Variants in ATP2B4 observed in about 807,000 individuals in gnomAD.
The protein encoded by ATP2B4 is plasma membrane calcium-transporting ATPase 4.
In ATP2B4, 39 loss-of-function variants were observed where a neutral mutation model predicts 110.3. The observed-to-expected ratio is 0.35, with a 90% CI of 0.27 to 0.46. The LOEUF (loss-of-function observed/expected upper bound fraction) is 0.46, where lower values mean the gene tolerates loss of function less well. ATP2B4 is among the 20% of genes least tolerant of loss of function. ATP2B4 has a pLI of 1.00. For missense variants in ATP2B4, 1,135 were observed against 1,530.9 expected (o/e 0.74, Z 4.32); for synonymous variants, 538 against 571.7 (o/e 0.94, Z 0.84).
intron 6 of ATP2B4, 122 bp from the exon 7 acceptor site, chr1:203,701,922 C>A: frequency 1.1e-6 from 1 of 927,384 alleles, no homozygotes. Flanking sequence ...CATTTATGTC[C>A]CTTCCCTGCA....
rs3066210 is a variant in ATP2B4, at chr1:203,644,249, TAAA to T, written c.-465+17050_-465+17052del. Among the ~76,000 whole-genome samples the T allele has an allele frequency of 4.2e-3, 465 of 109,942 alleles. 4 individuals are homozygous for T. In the East Asian group the frequency reaches 0.052, roughly 12 times the overall value. The allele number at this position is 109,942 out of a possible 152,430, so 72.1% of individuals were successfully genotyped here. A position where few individuals can be genotyped will look rare whatever the true frequency, so the allele number is the denominator to read the frequency against. On this transcript the variant is annotated intron_variant, in intron 1 of 20. Transcript: ENST00000357681. The stretch of plus-strand genomic sequence containing the variant: ...TGGGCAGCAGAGCAAGACTCCATCT[TAAA>T]AAAAAAAAAAAAAAAAAAAGAATGC...
intron 20 of ATP2B4, 115 bp from the exon 21 acceptor site, chr1:203,739,431 A>T: frequency 2.0e-6 from 2 of 1,002,840 alleles, no homozygotes; most frequent in Non-Finnish European, 2.9e-6. Context: ...GATGCTGAGC[A>T]GTCATGTTTT....
chr1:203,641,768 T>C (rs547459516), intron 1 of ATP2B4, among the ~76,000 whole-genome samples: 1 of 152,292 alleles, frequency 6.6e-6, no homozygotes, highest in African/African-American at 2.4e-5. Context: ...GACCCAGGCC[T>C]GACACCAAAG....
chr1:203,664,281 G>T (rs1664436986), intron 1 of ATP2B4, among the ~76,000 whole-genome samples: 1 of 152,154 alleles, frequency 6.6e-6, no homozygotes, highest in African/African-American at 2.4e-5. Context: ...TGGGAATGGG[G>T]AGTACCAATG....
At chr1:203,703,892 C>T (rs72745730) in intron 8 of ATP2B4, 79 bp downstream of exon 8, 33,330 of 1,483,044 alleles carry the variant, frequency 0.022, 467 homozygotes, top group Non-Finnish European at 0.027. Context: ...CTTTCTGCAC[C>T]GACCGAGACT....
In ATP2B4 at chr1:203,700,895, G is replaced by A. The variant is rs754012711; in HGVS notation, c.873G>A (p.Glu291=). ...TCCTTACTCTCTTGGGGGTCAATGA[G>A]GATGACGAAGGGGAGAAAAAGAAGA... ...GIILTLLGVN[E]DDEGEKKKKG... Residue 291 remains glutamate, a synonymous_variant, in exon 6 of 21, where the codon GAG becomes GAA. Coordinates refer to ENST00000357681, the MANE Select transcript of ATP2B4 (RefSeq NM_001684.5). The A allele has an allele frequency of 2.5e-6, 4 of 1,613,554 alleles. No individual in the cohort carries two copies. In the Admixed American group the frequency reaches 6.7e-5, roughly 27 times the overall value.
At chr1:203,728,223 T>C (rs1032473107) in intron 20 of ATP2B4, 1 of 469,936 alleles carries the variant, frequency 2.1e-6, no homozygotes, top group South Asian at 1.6e-5. Context: ...CTTCCCTTCT[T>C]GCAATTTCTG....
chr1:203,703,643 A>T lies in ATP2B4; in HGVS notation c.938-9A>T, dbSNP rs1665760218. Reference sequence around the variant, plus strand: ...CTGCTCACCTGTCCTATTTGTGTGTACACTCCAGCAAAGACCCAAGACGGA... The same window carrying T: ...CTGCTCACCTGTCCTATTTGTGTGTTCACTCCAGCAAAGACCCAAGACGGA... On this transcript the variant is annotated splice_polypyrimidine_tract_variant and intron_variant, in intron 7 of 20. Transcript: ENST00000357681. 5.6e-6 allele frequency: 9 copies of T among 1,613,294 alleles called. No homozygotes were observed. In the South Asian group the frequency reaches 8.8e-5, roughly 16 times the overall value.
At chr1:203,653,472 G>A (rs1664058088) in intron 1 of ATP2B4, among the ~76,000 whole-genome samples, 2 of 152,198 alleles carry the variant, frequency 1.3e-5, no homozygotes, top group African/African-American at 4.8e-5. Flanking sequence ...TCTTCTCTTG[G>A]AAAAAGATGC....
intron 1 of ATP2B4, among the ~76,000 whole-genome samples, chr1:203,636,340 C>T (rs1329497257): frequency 6.6e-6 from 1 of 152,182 alleles, no homozygotes; most frequent in Non-Finnish European, 1.5e-5. Flanking sequence ...CCCCGCCTCC[C>T]CATCCTGATC....
intron 13 of ATP2B4, among the ~76,000 whole-genome samples, chr1:203,712,599 A>C (rs902004290): frequency 2.1e-5 from 3 of 145,954 alleles, no homozygotes; most frequent in Non-Finnish European, 4.4e-5. Context: ...TCAAAAAAGA[A>C]AAAAAAAAGA....
At chr1:203,657,720 T>A in intron 1 of ATP2B4, 1 of 747,186 alleles carries the variant, frequency 1.3e-6, no homozygotes, top group Non-Finnish European at 2.5e-6. Flanking sequence ...ACGGTATCCA[T>A]AGTGTTTATG....
chr1:203,633,077 G>A (rs997936041), intron 1 of ATP2B4, among the ~76,000 whole-genome samples: 6 of 152,200 alleles, frequency 3.9e-5, no homozygotes, highest in African/African-American at 1.4e-4. Flanking sequence ...GACTGGGAAA[G>A]TATAAGTGAA....
At chr1:203,735,501 C>A (rs1451679716) in intron 20 of ATP2B4, among the ~76,000 whole-genome samples, 1 of 152,164 alleles carries the variant, frequency 6.6e-6, no homozygotes, top group Non-Finnish European at 1.5e-5. Context: ...CACCCCCCAC[C>A]CCGACCTCTG....
At chr1:203,662,350 C>T (rs577237074) in intron 1 of ATP2B4, among the ~76,000 whole-genome samples, 317 of 152,024 alleles carry the variant, frequency 2.1e-3, no homozygotes, top group Non-Finnish European at 3.9e-3. Flanking sequence ...TTAAGTAGAC[C>T]GTTCAGTGGT....
intron 1 of ATP2B4, among the ~76,000 whole-genome samples, chr1:203,648,246 T>C (rs1010537869): frequency 2.0e-5 from 3 of 152,060 alleles, no homozygotes; most frequent in Non-Finnish European, 4.4e-5. Context: ...AGAAGCTAAG[T>C]ATATTTTATC....
intron 1 of ATP2B4, among the ~76,000 whole-genome samples, chr1:203,634,271 A>G (rs1663369799): frequency 6.6e-6 from 1 of 152,224 alleles, no homozygotes; most frequent in Admixed American, 6.5e-5. Context: ...TATAGTCACC[A>G]TGTAGTGCAG....
intron 1 of ATP2B4, chr1:203,657,697 C>G (rs1162651796): frequency 6.6e-6 from 5 of 759,494 alleles, no homozygotes; most frequent in Non-Finnish European, 1.2e-5. Flanking sequence ...CTTTTCTTCT[C>G]ATGGTAATCC....
chr1:203,712,249 G>A lies in ATP2B4; in HGVS notation c.2211+110G>A. ...AAGGTGGGTGGTTTCTAAAGTGAAA[G>A]CTATTCGTAGTGAAACATCTCCTTG... On this transcript the variant is annotated intron_variant, in intron 13 of 20. Transcript: ENST00000357681. 3.9e-6 allele frequency: 5 copies of A among 1,268,716 alleles called. No individual in the cohort carries two copies. The Admixed American group carries it at 9.7e-5, about 25-fold the overall frequency. 78.6% of individuals were successfully genotyped at this position (1,268,716 alleles called of 1,614,324 possible). A position where few individuals can be genotyped will look rare whatever the true frequency, so the allele number is the denominator to read the frequency against.
Sources: gnomAD v4.1 joint callset for allele counts (sites outside exome capture counted in the v4.1 genomes callset) on GRCh38, gnomAD v4.1.1 for gene constraint, MANE v1.5 for transcripts, NCBI Gene and HGNC (gene_info 2026-07-23, HGNC 2026-07-21) for gene names.